The following CAPN13 variants were observed in gnomAD, a reference collection of about 807,000 sequenced individuals.
The protein encoded by CAPN13 is calpain 13.
CAPN13 carries 90 observed loss-of-function variants against 98.4 expected under a neutral mutation model. The observed-to-expected ratio is 0.92, with a 90% CI of 0.77 to 1.09. The LOEUF (loss-of-function observed/expected upper bound fraction) is 1.09, where lower values mean the gene tolerates loss of function less well. Among genes scored for constraint, CAPN13 ranks in the 50% least tolerant of loss-of-function variants. The pLI, the probability that CAPN13 is intolerant of heterozygous loss-of-function variation, is 0.00. For missense variants in CAPN13, 887 were observed against 841.3 expected, an observed-to-expected ratio of 1.05 and a Z score of -0.67; for synonymous variants, 330 against 305.5, an observed-to-expected ratio of 1.08 and a Z score of -0.84.
chr2:30,768,210 C>T (rs35725406), intron 5 of CAPN13, among the ~76,000 whole-genome samples: 2,557 of 152,284 alleles, frequency 0.017, 26 homozygotes, highest in Middle Eastern at 0.071. Flanking sequence ...CTGATTGGGC[C>T]GATGGGGTCC....
chr2:30,780,580 AC>A (rs35064898), intron 2 of CAPN13, among the ~76,000 whole-genome samples: 77,734 of 151,694 alleles, frequency 0.51, 20,858 homozygotes, highest in South Asian at 0.67. Flanking sequence ...CTAATTAGGA[AC>A]AAAAAGATAT....
chr2:30,804,533 A>T (rs1675489695), intron 1 of CAPN13, among the ~76,000 whole-genome samples: 1 of 152,164 alleles, frequency 6.6e-6, no homozygotes, highest in Non-Finnish European at 1.5e-5. Flanking sequence ...CTGAGGAGGG[A>T]AGAGTAGGAG....
chr2:30,745,131 C>T (rs1671842842), intron 12 of CAPN13: 1 of 459,910 alleles, frequency 2.2e-6, no homozygotes, highest in Non-Finnish European at 4.5e-6. Flanking sequence ...CTCTTGGTGG[C>T]TCAGCACTCT....
At chr2:30,752,664 G>T (rs1395262429) in intron 10 of CAPN13, among the ~76,000 whole-genome samples, 1 of 152,208 alleles carries the variant, frequency 6.6e-6, no homozygotes. Context: ...AGCATCACAA[G>T]GCCAGTATGT....
intron 1 of CAPN13, among the ~76,000 whole-genome samples, chr2:30,790,743 T>C (rs1674563196): frequency 1.3e-5 from 2 of 152,190 alleles, no homozygotes; most frequent in African/African-American, 2.4e-5. Context: ...CCTTGAGCAG[T>C]AGGATATAAA....
chr2:30,739,603 CAG>C lies in CAPN13; in HGVS notation c.1537-1148_1537-1147del, dbSNP rs566487579. 2.0e-3 allele frequency among the ~76,000 whole-genome samples: 304 copies of C among 152,260 alleles called. 1 individual carries two copies. The highest frequency in any genetic ancestry group is 6.8e-3 in the African/African-American group (281 of 41,540). Reference sequence around the variant, plus strand: ...CCCACTATCAACTGAGTTTCTCTTCCAGAGACTCAGGACACCTCGCTTTGAAC... The same window carrying C: ...CCCACTATCAACTGAGTTTCTCTTCCAGACTCAGGACACCTCGCTTTGAAC... On this transcript the variant is annotated intron_variant, in intron 15 of 22. Coordinates refer to ENST00000295055, the MANE Select transcript of CAPN13 (RefSeq NM_144575.3).
Position 30,801,604 on chromosome 2 carries a change from TAAAAAA to T in CAPN13, c.-33+5692_-33+5697del, listed in dbSNP as rs10609363. ...TGGGTGATAGAGGGAGACTCAGTCT[TAAAAAA>T]AAAAAAAAAAAAAAAAAGAAGAAGA... On this transcript the variant is annotated intron_variant, in intron 1 of 22. Transcript: ENST00000295055. 6.3e-5 allele frequency among the ~76,000 whole-genome samples: 5 copies of T among 79,976 alleles called. No individual in the cohort carries two copies. In the East Asian group the frequency reaches 1.7e-3, roughly 28 times the overall value. The allele number at this position is 79,976 out of a possible 152,430, so 52.5% of individuals were successfully genotyped here.
chr2:30,724,583 T>C (rs1364728368), intron 22 of CAPN13, among the ~76,000 whole-genome samples: 1 of 152,158 alleles, frequency 6.6e-6, no homozygotes, highest in Non-Finnish European at 1.5e-5. Context: ...ACATGTCGGT[T>C]TCCCAGTTGG....
At position 30,758,153 on chromosome 2, in the gene CAPN13, A is replaced by G; in HGVS notation, c.775-16T>C. 1 of 1,572,546 alleles carries G rather than the reference A, an allele frequency of 6.4e-7. No individual in the cohort carries two copies. Among genetic ancestry groups the G allele is most frequent in the Middle Eastern group, 1.7e-4 (1 of 5,978 alleles). On this transcript the variant is annotated splice_polypyrimidine_tract_variant and intron_variant, in intron 7 of 22. Transcript: ENST00000295055. ...GGTATTGAATCTGTAAAGAAAACAG[A>G]AAAGGAAACTCAGTGCTCTACAGCA...
chr2:30,733,431 TCTA>T (rs1213954576), intron 19 of CAPN13, among the ~76,000 whole-genome samples: 2 of 152,146 alleles, frequency 1.3e-5, no homozygotes, highest in African/African-American at 4.8e-5. Flanking sequence ...TGAACAATTT[TCTA>T]CTTTTTTCTC....
intron 1 of CAPN13, among the ~76,000 whole-genome samples, chr2:30,787,850 T>A (rs896410864): frequency 8.5e-5 from 13 of 152,156 alleles, no homozygotes; most frequent in Admixed American, 4.6e-4. Context: ...TTATACCCCA[T>A]AAACTCTGCA....
intron 7 of CAPN13, among the ~76,000 whole-genome samples, chr2:30,761,860 TAG>T (rs1374234141): frequency 6.6e-6 from 1 of 151,986 alleles, no homozygotes; most frequent in Non-Finnish European, 1.5e-5. Context: ...GACAGATGGG[TAG>T]AGAGAGGAAG....
rs1673763401 is a variant in CAPN13, at chr2:30,777,505, G to A, written c.271+62C>T. 12 of 1,436,940 alleles carry A rather than the reference G, an allele frequency of 8.4e-6. No individual in the cohort carries two copies. The South Asian group carries it at 1.1e-4, about 13-fold the overall frequency. 89.0% of individuals were successfully genotyped at this position (1,436,940 alleles called of 1,614,324 possible). On this transcript the variant is annotated intron_variant, in intron 3 of 22. Transcript: ENST00000295055. Reference sequence around the variant, plus strand: ...CTCAGAAGTGGGGCAGGACTCTGTGGGTAAGCACCACCCTCCACCACTTCC... The same window carrying A: ...CTCAGAAGTGGGGCAGGACTCTGTGAGTAAGCACCACCCTCCACCACTTCC...
Position 30,754,450 on chromosome 2 carries a change from C to T in CAPN13, c.867-86G>A, listed in dbSNP as rs549788639. 8.9e-5 allele frequency: 96 copies of T among 1,081,366 alleles called. No homozygotes were observed. The Middle Eastern group carries it at 2.6e-3, about 30-fold the overall frequency. The allele number at this position is 1,081,366 out of a possible 1,614,324, so 67.0% of individuals were successfully genotyped here. ...TGTGGGTCAACAGGGACCCTCTGTA[C>T]ATGTCACCATTCCTGGGGAGCACAG... On this transcript the variant is annotated intron_variant, in intron 8 of 22. Coordinates refer to ENST00000295055, the MANE Select transcript of CAPN13 (RefSeq NM_144575.3).
Position 30,738,428 on chromosome 2 carries a change from CTGAAGCTGGG to C in CAPN13, c.1556_1565del (p.Thr519ArgfsTer9). ...TTAGAAGCTCCTGGTTGAGAAGGCCCTGAAGCTGGGTGGCATCAATGTCCAGCCTCTGATC... is the reference window on the plus strand; with the variant it reads ...TTAGAAGCTCCTGGTTGAGAAGGCCCTGGCATCAATGTCCAGCCTCTGATC... On this transcript the variant is annotated frameshift_variant, in exon 16 of 23. Transcript: ENST00000295055. LOFTEE classifies it high-confidence loss of function. 1 of 1,607,296 alleles carries C rather than the reference CTGAAGCTGGG, an allele frequency of 6.2e-7. No homozygotes were observed. Among genetic ancestry groups the C allele is most frequent in the Non-Finnish European group, 8.5e-7 (1 of 1,176,682 alleles).
chr2:30,806,426 C>A (rs1675630478), intron 1 of CAPN13, among the ~76,000 whole-genome samples: 3 of 144,966 alleles, frequency 2.1e-5, no homozygotes, highest in South Asian at 2.2e-4. Context: ...ACAACAACAA[C>A]AAAAACCCAC....
intron 1 of CAPN13, among the ~76,000 whole-genome samples, chr2:30,804,129 C>G (rs1675463407): frequency 6.6e-6 from 1 of 152,212 alleles, no homozygotes; most frequent in Non-Finnish European, 1.5e-5. Flanking sequence ...ACAGGTCCAA[C>G]TGGAGTTCAG....
intron 7 of CAPN13, among the ~76,000 whole-genome samples, chr2:30,759,609 A>C (rs1672726145): frequency 6.6e-6 from 1 of 152,200 alleles, no homozygotes; most frequent in Admixed American, 6.5e-5. Flanking sequence ...GACAAGCCGC[A>C]GGTGGACGCA....
intron 7 of CAPN13, 72 bp downstream of exon 7, chr2:30,763,010 C>T (rs1458262337): frequency 8.1e-7 from 1 of 1,241,234 alleles, no homozygotes; most frequent in Non-Finnish European, 1.1e-6. Flanking sequence ...TGATTCTGGC[C>T]CCTATTGAGA....
Sources: allele counts gnomAD v4.1 joint callset (sites outside exome capture counted in the v4.1 genomes callset), GRCh38; gene constraint gnomAD v4.1.1; transcripts MANE v1.5; gene names NCBI Gene and HGNC (gene_info 2026-07-23, HGNC 2026-07-21).